DMBT1: variants seen among roughly 807,000 people sequenced by gnomAD.
The protein encoded by DMBT1 is deleted in malignant brain tumors 1, also known as scavenger receptor cysteine-rich domain-containing protein DMBT1.
A neutral mutation model predicts 252.9 loss-of-function variants in DMBT1; 198 were observed. The observed-to-expected ratio is 0.78, with a 90% CI of 0.70 to 0.88. DMBT1 has a LOEUF of 0.88. Ranked by LOEUF, DMBT1 falls within the 40% of genes least tolerant of loss-of-function variation. The probability of loss-of-function intolerance (pLI) is 0.00; values close to 1 mark genes in which losing one functional copy is unlikely to be tolerated. For missense variants in DMBT1, 2,432 were observed against 2,404.7 expected, an observed-to-expected ratio of 1.01 and a Z score of -0.24; for synonymous variants, 990 against 942.7, an observed-to-expected ratio of 1.05 and a Z score of -0.92.
In DMBT1 at chr10:122,618,346, CT is replaced by C; in HGVS notation, c.5215+9del. On this transcript the variant is annotated splice_region_variant and intron_variant, in intron 41 of 55. Coordinates refer to ENST00000338354, the MANE Select transcript of DMBT1 (RefSeq NM_001377530.1). ...TGCTGGTGTCATCTGCTCAGGTGGGCTTTCAAGACCTTGGGCTCCCTCTCTT... is the reference window on the plus strand; with the variant it reads ...TGCTGGTGTCATCTGCTCAGGTGGGCTTCAAGACCTTGGGCTCCCTCTCTT... 1 of 1,613,866 alleles carries C rather than the reference CT, an allele frequency of 6.2e-7. No individual in the cohort carries two copies. The highest frequency in any genetic ancestry group is 8.5e-7 in the Non-Finnish European group (1 of 1,179,770).
intron 20 of DMBT1, among the ~76,000 whole-genome samples, chr10:122,593,281 G>A (rs1028981288): frequency 6.7e-6 from 1 of 148,542 alleles, no homozygotes; most frequent in African/African-American, 2.4e-5. Flanking sequence ...CAGCCTTGCT[G>A]ACTCAGGAAC....
chr10:122,575,005 C>T (rs1240519647), intron 6 of DMBT1, among the ~76,000 whole-genome samples: 3 of 152,210 alleles, frequency 2.0e-5, no homozygotes, highest in African/African-American at 4.8e-5. Flanking sequence ...ATCACTTCCT[C>T]TCCAAGCCCC....
At chr10:122,634,192 T>C (rs1208670645) in intron 52 of DMBT1, among the ~76,000 whole-genome samples, 2 of 152,192 alleles carry the variant, frequency 1.3e-5, no homozygotes, top group Non-Finnish European at 2.9e-5. Context: ...GGAACCCTTT[T>C]TCTCCACCCA....
At chr10:122,642,941 A>G (rs1472113326) in intron 55 of DMBT1, among the ~76,000 whole-genome samples, 181 bp from the exon 56 acceptor site, 3 of 152,152 alleles carry the variant, frequency 2.0e-5, no homozygotes, top group Non-Finnish European at 4.4e-5. Flanking sequence ...CGGAGCTGCC[A>G]GGATTTCTCT....
At chr10:122,640,000 G>A (rs777261865) in intron 54 of DMBT1, 40 bp from the exon 55 acceptor site, 2 of 1,590,072 alleles carry the variant, frequency 1.3e-6, no homozygotes, top group Non-Finnish European at 1.7e-6. Context: ...CTTAGCAGGT[G>A]ACATGTGCCT....
chr10:122,592,863 C>G (rs2097860726), intron 20 of DMBT1, among the ~76,000 whole-genome samples: 1 of 148,524 alleles, frequency 6.7e-6, no homozygotes. Context: ...GAAGAGAAAA[C>G]TGCTGGCTCC....
At chr10:122,632,752 C>A in intron 50 of DMBT1, 109 bp from the exon 51 acceptor site, 1 of 1,432,822 alleles carries the variant, frequency 7.0e-7, no homozygotes, top group Non-Finnish European at 9.6e-7. Flanking sequence ...GTGTCCAGCT[C>A]CTCCCTGTGG....
intron 9 of DMBT1, 119 bp from the exon 10 acceptor site, chr10:122,579,459 A>C (rs2097745604): frequency 1.9e-6 from 3 of 1,569,716 alleles, no homozygotes; most frequent in South Asian, 2.4e-5. Flanking sequence ...GGTCATATGC[A>C]AAGGTGACTG....
Position 122,576,735 on chromosome 10 carries a change from A to T in DMBT1, c.607+13A>T, listed in dbSNP as rs573692801. 1 of 1,613,714 alleles carries T rather than the reference A, an allele frequency of 6.2e-7. No homozygotes were observed. The highest frequency in any genetic ancestry group is 1.3e-5 in the African/African-American group (1 of 75,032). Reference sequence around the variant, plus strand: ...GTTATCTGCTCAGGTAGGCATCCAGATCTCTGGAGGGTTGGGTGTGGTGGC... The same window carrying T: ...GTTATCTGCTCAGGTAGGCATCCAGTTCTCTGGAGGGTTGGGTGTGGTGGC... On this transcript the variant is annotated intron_variant, in intron 7 of 55. Coordinates refer to ENST00000338354, the MANE Select transcript of DMBT1 (RefSeq NM_001377530.1).
rs2098183175 is a variant in DMBT1, at chr10:122,633,452, C to T, written c.6548+111C>T. 5 of 1,508,096 alleles carry T rather than the reference C, an allele frequency of 3.3e-6. No homozygotes were observed. The East Asian group carries it at 1.1e-4, about 34-fold the overall frequency. The allele number at this position is 1,508,096 out of a possible 1,614,324, so 93.4% of individuals were successfully genotyped here. ...ATGCCTTGGGGCCCCACAGACCTTT[C>T]AAGAGGGAATAAATGGTGCTTAGAA... is the stretch of plus-strand genomic sequence containing the variant. On this transcript the variant is annotated intron_variant, in intron 52 of 55. Transcript: ENST00000338354.
In DMBT1 at chr10:122,632,847, C is replaced by T. The variant is rs1415891601; in HGVS notation, c.6368-14C>T. ...GCCAGAAAACTGATCCTGATCTTTT[C>T]TTTTTGTCAACAGCTCCTTTTCTCA... On this transcript the variant is annotated splice_polypyrimidine_tract_variant and intron_variant, in intron 50 of 55. Coordinates refer to ENST00000338354, the MANE Select transcript of DMBT1 (RefSeq NM_001377530.1). The T allele has an allele frequency of 1.2e-6, 2 of 1,613,434 alleles. No homozygotes were observed. Among genetic ancestry groups the T allele is most frequent in the South Asian group, 1.1e-5 (1 of 90,896 alleles).
chr10:122,621,002 T>C (rs752700817), intron 43 of DMBT1, 55 bp from the exon 44 acceptor site: 35 of 1,607,370 alleles, frequency 2.2e-5, no homozygotes, highest in Non-Finnish European at 2.8e-5. Flanking sequence ...GAACATTCCT[T>C]AAATCCTTGA....
At chr10:122,565,745 G>A (rs927894008) in intron 1 of DMBT1, among the ~76,000 whole-genome samples, 1 of 152,164 alleles carries the variant, frequency 6.6e-6, no homozygotes, top group Non-Finnish European at 1.5e-5. Flanking sequence ...AGAGACATAT[G>A]CTTCATTACA....
intron 11 of DMBT1, among the ~76,000 whole-genome samples, chr10:122,581,545 G>T (rs1479498316): frequency 1.3e-5 from 2 of 148,706 alleles, no homozygotes; most frequent in African/African-American, 5.1e-5. Context: ...CATGGTGGGG[G>T]CATCCTCTAA....
intron 6 of DMBT1, among the ~76,000 whole-genome samples, chr10:122,574,976 G>A: frequency 6.6e-6 from 1 of 152,164 alleles, no homozygotes; most frequent in East Asian, 1.9e-4. Context: ...GGCTGCAGTG[G>A]GTTAAGGGTA....
intron 9 of DMBT1, 109 bp from the exon 10 acceptor site, chr10:122,579,469 G>T: frequency 6.3e-7 from 1 of 1,578,538 alleles, no homozygotes; most frequent in South Asian, 1.2e-5. Context: ...AAAGGTGACT[G>T]CCTGCCTAGG....
At chr10:122,569,815 T>C (rs1157734189) in intron 2 of DMBT1, among the ~76,000 whole-genome samples, 1 of 152,250 alleles carries the variant, frequency 6.6e-6, no homozygotes, top group Non-Finnish European at 1.5e-5. Context: ...GGTGAATGTT[T>C]GTCATTTGAG....
Position 122,643,432 on chromosome 10 carries a change from C to T in DMBT1, c.*34C>T, listed in dbSNP as rs771386613. The T allele has an allele frequency of 2.5e-5, 39 of 1,584,746 alleles. No individual in the cohort carries two copies. Among genetic ancestry groups the T allele is most frequent in the South Asian group, 4.5e-5 (4 of 87,996 alleles). The stretch of plus-strand genomic sequence containing the variant: ...TCTCAGACCCCACTGTCCACCGGGG[C>T]GCAGACCCCTGACTCGGGGACTTGG... On this transcript the variant is annotated 3_prime_UTR_variant, in exon 56 of 56. Transcript: ENST00000338354.
chr10:122,619,446 A>G, intron 42 of DMBT1, 109 bp downstream of exon 42: 7 of 1,455,470 alleles, frequency 4.8e-6, no homozygotes, highest in Non-Finnish European at 6.7e-6. Context: ...TGTGGGGCAT[A>G]TTATTTTTCC....
Sources: gnomAD v4.1 joint callset for allele counts (sites outside exome capture counted in the v4.1 genomes callset) on GRCh38, gnomAD v4.1.1 for gene constraint, MANE v1.5 for transcripts, NCBI Gene and HGNC (gene_info 2026-07-23, HGNC 2026-07-21) for gene names.